Variants in TPM3 observed in about 807,000 individuals in gnomAD.
The protein encoded by TPM3 is tropomyosin alpha-3 chain.
A neutral mutation model predicts 43.1 loss-of-function variants in TPM3; 16 were observed. That is an observed-to-expected ratio of 0.37 (90% CI 0.25 to 0.56). The LOEUF (loss-of-function observed/expected upper bound fraction) is 0.56, where lower values mean the gene tolerates loss of function less well. TPM3 is among the 20% of genes least tolerant of loss of function. The pLI is 0.77. For synonymous variants in TPM3, 101 were observed against 116.9 expected (o/e 0.86, Z 0.88); for missense variants, 176 against 337.2 (o/e 0.52, Z 3.74).
At chr1:154,185,372 C>CAAA (rs34650875) in intron 2 of TPM3, among the ~76,000 whole-genome samples, 2 of 119,164 alleles carry the variant, frequency 1.7e-5, no homozygotes, top group Non-Finnish European at 1.7e-5. Context: ...GACTCTGTAT[C>CAAA]AAAAAAAAAA....
downstream of TPM3, chr1:154,157,653 G>T (rs183874481): frequency 1.3e-6 from 1 of 779,686 alleles, no homozygotes. Flanking sequence ...ATCTCATTCA[G>T]GTCAAGCAGG....
Position 154,163,325 on chromosome 1 carries a change from TC to T in TPM3, c.*4611del, listed in dbSNP as rs1461742726. Among the ~76,000 whole-genome samples, 1 of 152,204 alleles carries T rather than the reference TC, an allele frequency of 6.6e-6. No homozygotes were observed. Among genetic ancestry groups the T allele is most frequent in the Admixed American group, 6.5e-5 (1 of 15,286 alleles). Reference sequence around the variant, plus strand: ...CCACATGTGGCTAATGTACTAGACATCATTACCAAAAGTTCTGTTGGAAAGC... The same window carrying T: ...CCACATGTGGCTAATGTACTAGACATATTACCAAAAGTTCTGTTGGAAAGC... On this transcript the variant is annotated 3_prime_UTR_variant, in exon 10 of 10. Transcript: ENST00000651641.
Position 154,170,674 on chromosome 1 carries a change from T to C in TPM3, c.680A>G (p.Lys227Arg), listed in dbSNP as rs201202440. 14 of 1,612,910 alleles carry C rather than the reference T, an allele frequency of 8.7e-6. No individual in the cohort carries two copies. The East Asian group carries it at 2.2e-4, about 26-fold the overall frequency. Residue 227 changes from lysine (K) to arginine (R), a missense_variant, in exon 7 of 10, where the codon AAG (lysine) becomes AGG (arginine). By Grantham distance (26) the Lys-to-Arg change is conservative. Transcript: ENST00000651641. Reference protein sequence around the residue: ...QKEDKYEEEIKILTDKLKEAE... With the variant: ...QKEDKYEEEIRILTDKLKEAE... ...CTCCTTGAGTTTATCAGTAAGAATC[T>C]TGATTTCTTCCTCATATTTATCTTC...
At chr1:154,175,780 T>C (rs1662235770) in intron 3 of TPM3, among the ~76,000 whole-genome samples, 1 of 152,184 alleles carries the variant, frequency 6.6e-6, no homozygotes, top group South Asian at 2.1e-4. Context: ...GGTCACAACA[T>C]CTAAGTTACC....
chr1:154,171,326 A>T, intron 6 of TPM3, 87 bp downstream of exon 6: 1 of 1,378,836 alleles, frequency 7.3e-7, no homozygotes. Flanking sequence ...ACTGGATTAT[A>T]TATGGAATGC....
intron 1 of TPM3, 115 bp from the exon 2 acceptor site, chr1:154,191,426 A>T (rs1163618314): frequency 1.3e-6 from 2 of 1,550,444 alleles, no homozygotes; most frequent in African/African-American, 2.7e-5. Flanking sequence ...CTAGTGAGAC[A>T]CACTTTCTCC....
intron 5 of TPM3, 171 bp downstream of exon 5, chr1:154,172,737 A>G: frequency 1.2e-6 from 1 of 805,154 alleles, no homozygotes; most frequent in South Asian, 1.4e-5. Flanking sequence ...AGTCAGGAGA[A>G]TAAGGAAGCC....
In TPM3 at chr1:154,169,310, G is replaced by A. The variant is rs758366885; in HGVS notation, c.849C>T (p.Thr283=). The change falls in exon 9 of 10, where the codon ACC becomes ACT. Residue 283 remains threonine, a synonymous_variant. Coordinates refer to ENST00000651641, the MANE Select transcript of TPM3 (RefSeq NM_152263.4). The part of the protein sequence containing the change: ...EELDHALNDM[T]SI ...CTCTACTGTCAGATAGTTACATAGA[G>A]GTCATGTCATTGAGGGCGTGGTCCA... is the stretch of plus-strand genomic sequence containing the variant. 24 of 1,614,054 alleles carry A rather than the reference G, an allele frequency of 1.5e-5. No homozygotes were observed. The highest frequency in any genetic ancestry group is 5.0e-5 in the Admixed American group (3 of 60,000).
chr1:154,189,364 T>G (rs1663572093), intron 2 of TPM3, among the ~76,000 whole-genome samples: 1 of 151,656 alleles, frequency 6.6e-6, no homozygotes, highest in Non-Finnish European at 1.5e-5. Flanking sequence ...GGCACACACC[T>G]GCAATCCCAG....
intron 3 of TPM3, 51 bp from the exon 4 acceptor site, chr1:154,173,252 C>T: frequency 2.1e-6 from 3 of 1,446,456 alleles, no homozygotes; most frequent in Non-Finnish European, 2.9e-6. Flanking sequence ...AGTGTGTCGT[C>T]AGCTCCACTC....
At chr1:154,191,030 T>A (rs916856330) in intron 2 of TPM3, among the ~76,000 whole-genome samples, 156 bp downstream of exon 2, 2 of 152,216 alleles carry the variant, frequency 1.3e-5, no homozygotes, top group Non-Finnish European at 2.9e-5. Context: ...CATGCCATTA[T>A]GAGAATATAC....
chr1:154,190,955 G>A (rs1380406001), intron 2 of TPM3, among the ~76,000 whole-genome samples: 2 of 152,136 alleles, frequency 1.3e-5, no homozygotes, highest in African/African-American at 4.8e-5. Context: ...GGAGATAAAT[G>A]AGACCTTTAC....
At position 154,164,894 on chromosome 1, in the gene TPM3, CTTATATG is replaced by C. The variant is rs1370737459; in HGVS notation, c.*3036_*3042del. 6.6e-6 allele frequency among the ~76,000 whole-genome samples: 1 copy of C among 152,240 alleles called. No homozygotes were observed. Among genetic ancestry groups the C allele is most frequent in the African/African-American group, 2.4e-5 (1 of 41,464 alleles). On this transcript the variant is annotated 3_prime_UTR_variant, in exon 10 of 10. Transcript: ENST00000651641. The stretch of plus-strand genomic sequence containing the variant: ...CAAATTAGTTACCAAATTAATTCTT[CTTATATG>C]TTATTCAGATCACAACATATCCTAT...
In TPM3 at chr1:154,174,815, GCTA is replaced by G. The variant is rs146824877; in HGVS notation, c.377+1297_377+1299del. On this transcript the variant is annotated intron_variant, in intron 3 of 9. Transcript: ENST00000651641. ...GGCCCTCACTTTCTATAATTTGCAT[GCTA>G]CTCTAATAGTATACACATAGCTGCC... 1.0e-3 allele frequency among the ~76,000 whole-genome samples: 154 copies of G among 151,478 alleles called. 2 individuals are homozygous for G. In the East Asian group the frequency reaches 0.029, roughly 28 times the overall value.
chr1:154,190,769 G>C (rs1663646106), intron 2 of TPM3, among the ~76,000 whole-genome samples: 1 of 152,218 alleles, frequency 6.6e-6, no homozygotes, highest in Non-Finnish European at 1.5e-5. Flanking sequence ...TTGTTGGACA[G>C]TTGAGAGATG....
At chr1:154,161,131 TAAAAAA>T (rs953940037), downstream of TPM3, among the ~76,000 whole-genome samples, 12 of 85,088 alleles carry the variant, frequency 1.4e-4, no homozygotes, top group African/African-American at 4.1e-4. Flanking sequence ...ATGCAAATAT[TAAAAAA>T]AAAAAAAAAA....
At chr1:154,158,605 C>T (rs1660038787), downstream of TPM3, 1 of 359,650 alleles carries the variant, frequency 2.8e-6, no homozygotes. Flanking sequence ...GCAGTTACAA[C>T]AACTTGTCAA....
chr1:154,190,403 GC>G (rs1663629695), intron 2 of TPM3, among the ~76,000 whole-genome samples: 1 of 151,982 alleles, frequency 6.6e-6, no homozygotes, highest in South Asian at 2.1e-4. Flanking sequence ...ATTTATCTTT[GC>G]AGCAAACTTC....
chr1:154,167,762 C>G lies in TPM3; in HGVS notation c.*175G>C. On this transcript the variant is annotated 3_prime_UTR_variant, in exon 10 of 10. Transcript: ENST00000651641. Reference sequence around the variant, plus strand: ...TGGCATGAGGTTTCCAGCAGCTTAACATTTTAATTTGGGGTGGGGGTGGAA... The same window carrying G: ...TGGCATGAGGTTTCCAGCAGCTTAAGATTTTAATTTGGGGTGGGGGTGGAA... 6.6e-7 allele frequency: 1 copy of G among 1,507,346 alleles called. No individual in the cohort carries two copies. Among genetic ancestry groups the G allele is most frequent in the Non-Finnish European group, 8.9e-7 (1 of 1,126,156 alleles). 93.4% of individuals were successfully genotyped at this position (1,507,346 alleles called of 1,614,324 possible).
Sources: gnomAD v4.1 joint callset for allele counts (sites outside exome capture counted in the v4.1 genomes callset) on GRCh38, gnomAD v4.1.1 for gene constraint, MANE v1.5 for transcripts, NCBI Gene and HGNC (gene_info 2026-07-23, HGNC 2026-07-21) for gene names.